Variants in EEPD1 observed in about 807,000 individuals in gnomAD.
EEPD1 encodes endonuclease/exonuclease/phosphatase family domain-containing protein 1.
In EEPD1, 17 loss-of-function variants were observed where a neutral mutation model predicts 46.3. The observed-to-expected ratio is 0.37, with a 90% confidence interval of 0.25 to 0.55. The LOEUF (loss-of-function observed/expected upper bound fraction) is 0.55. EEPD1 is among the 20% of genes least tolerant of loss of function. EEPD1 has a pLI of 0.83. For missense variants in EEPD1, 673 were observed against 745.6 expected, an observed-to-expected ratio of 0.90 and a Z score of 1.13; for synonymous variants, 313 against 315.6, an observed-to-expected ratio of 0.99 and a Z score of 0.09.
chr7:36,233,968 G>T (rs1468096550), intron 2 of EEPD1, among the ~76,000 whole-genome samples: 1 of 152,148 alleles, frequency 6.6e-6, no homozygotes, highest in African/African-American at 2.4e-5. Context: ...ACCCAGGCTG[G>T]AGTGCCTGGT....
Position 36,270,995 on chromosome 7 carries a change from A to T in EEPD1, c.931-10120A>T, listed in dbSNP as rs527949276. On this transcript the variant is annotated intron_variant, in intron 3 of 7. Coordinates refer to ENST00000242108, the MANE Select transcript of EEPD1 (RefSeq NM_030636.3). ...TTCCTTTTTATTTATTATTATTATT[A>T]TTTTTTTTTGAGTTGGAGTCTTGCT... Among the ~76,000 whole-genome samples the T allele has an allele frequency of 4.2e-3, 628 of 150,474 alleles. 3 individuals are homozygous for T. Among genetic ancestry groups the T allele is most frequent in the Admixed American group, 0.015 (230 of 15,104 alleles).
In EEPD1 at chr7:36,276,370, G is replaced by T. The variant is rs953367230; in HGVS notation, c.931-4745G>T. Among the ~76,000 whole-genome samples, 15 of 152,136 alleles carry T rather than the reference G, an allele frequency of 9.9e-5. No homozygotes were observed. The East Asian group carries it at 1.2e-3, about 12-fold the overall frequency. ...TTACCCAATTTGGTCTGATGCTGGA[G>T]AAACAAATCGAGCTCATTGGTAGCT... On this transcript the variant is annotated intron_variant, in intron 3 of 7. Coordinates refer to ENST00000242108, the MANE Select transcript of EEPD1 (RefSeq NM_030636.3).
intron 3 of EEPD1, among the ~76,000 whole-genome samples, chr7:36,243,582 G>A (rs937596950): frequency 3.3e-5 from 5 of 152,116 alleles, no homozygotes; most frequent in Admixed American, 6.6e-5. Flanking sequence ...AGAACTGGTC[G>A]CTTCTAGCCA....
At chr7:36,181,025 C>T (rs1350752361) in intron 2 of EEPD1, among the ~76,000 whole-genome samples, 1 of 152,162 alleles carries the variant, frequency 6.6e-6, no homozygotes, top group Non-Finnish European at 1.5e-5. Flanking sequence ...AAGGATTCCC[C>T]AGGGTGCTTT....
At chr7:36,170,851 C>A (rs531204106) in intron 2 of EEPD1, among the ~76,000 whole-genome samples, 1 of 152,272 alleles carries the variant, frequency 6.6e-6, no homozygotes, top group African/African-American at 2.4e-5. Context: ...TCATTTCTGT[C>A]TCCTTCCATC....
chr7:36,260,846 G>A (rs1273150156), intron 3 of EEPD1, among the ~76,000 whole-genome samples: 1 of 152,188 alleles, frequency 6.6e-6, no homozygotes, highest in African/African-American at 2.4e-5. Context: ...AAACGAAAAT[G>A]TTGCATCTCT....
intron 2 of EEPD1, among the ~76,000 whole-genome samples, chr7:36,216,782 T>C (rs973145874): frequency 2.6e-5 from 4 of 152,248 alleles, no homozygotes; most frequent in African/African-American, 9.6e-5. Flanking sequence ...ATAATGACAG[T>C]AATTTACAAC....
intron 3 of EEPD1, among the ~76,000 whole-genome samples, chr7:36,262,817 A>T (rs899397441): frequency 1.3e-5 from 2 of 152,164 alleles, no homozygotes; most frequent in East Asian, 3.9e-4. Context: ...GAAGCTGCTG[A>T]TCACCAGCTT....
At chr7:36,242,228 G>C (rs1268729974) in intron 3 of EEPD1, among the ~76,000 whole-genome samples, 16 of 152,200 alleles carry the variant, frequency 1.1e-4, no homozygotes, top group Non-Finnish European at 1.9e-4. Context: ...CTGCAACACT[G>C]TGCCTGGTAC....
intron 3 of EEPD1, among the ~76,000 whole-genome samples, chr7:36,242,758 A>C (rs1457491104): frequency 7.1e-6 from 1 of 139,904 alleles, no homozygotes. Context: ...CTGTGTCTCT[A>C]ATAAAAATAC....
At chr7:36,257,302 G>T (rs1786842140) in intron 3 of EEPD1, among the ~76,000 whole-genome samples, 1 of 149,110 alleles carries the variant, frequency 6.7e-6, no homozygotes, top group Non-Finnish European at 1.5e-5. Flanking sequence ...ATGTGTCTCG[G>T]GGTCGCTCTT....
intron 2 of EEPD1, among the ~76,000 whole-genome samples, chr7:36,188,180 T>C (rs572072497): frequency 6.6e-6 from 1 of 152,282 alleles, no homozygotes; most frequent in Admixed American, 6.6e-5. Flanking sequence ...CAATGGTTGG[T>C]CTATGAGTCT....
At chr7:36,161,892 T>A in intron 2 of EEPD1, among the ~76,000 whole-genome samples, 1 of 100,716 alleles carries the variant, frequency 9.9e-6, no homozygotes, top group African/African-American at 4.2e-5. Flanking sequence ...AGACCCTGTC[T>A]CTCTCAAAAA....
chr7:36,157,318 C>T (rs548223463), intron 2 of EEPD1, among the ~76,000 whole-genome samples: 7 of 152,128 alleles, frequency 4.6e-5, no homozygotes, highest in Non-Finnish European at 8.8e-5. Context: ...TCTGACCAAG[C>T]GTTGAGGAGC....
intron 2 of EEPD1, chr7:36,228,920 G>A (rs1425322942): frequency 6.6e-6 from 1 of 152,278 alleles, no homozygotes; most frequent in African/African-American, 2.4e-5. Context: ...AGTAGAGAGT[G>A]GCCATTGCCC....
At chr7:36,164,159 C>T (rs1197091103) in intron 2 of EEPD1, among the ~76,000 whole-genome samples, 2 of 152,316 alleles carry the variant, frequency 1.3e-5, no homozygotes, top group East Asian at 1.9e-4. Context: ...TATGACTTTT[C>T]TGTCTTTTAT....
intron 2 of EEPD1, among the ~76,000 whole-genome samples, chr7:36,199,721 G>A (rs1266640468): frequency 2.0e-5 from 3 of 152,148 alleles, no homozygotes; most frequent in Non-Finnish European, 4.4e-5. Context: ...ACCCCTTGCT[G>A]AGACACTGGG....
intron 2 of EEPD1, among the ~76,000 whole-genome samples, chr7:36,165,555 G>C (rs1784969068): frequency 6.8e-6 from 1 of 147,628 alleles, no homozygotes; most frequent in Admixed American, 6.8e-5. Context: ...GAGTAGCTGG[G>C]ATTACAGGCA....
At chr7:36,260,385 C>A (rs531070873) in intron 3 of EEPD1, among the ~76,000 whole-genome samples, 1 of 152,192 alleles carries the variant, frequency 6.6e-6, no homozygotes, top group Non-Finnish European at 1.5e-5. Flanking sequence ...TCTCTGATCT[C>A]TTTTGTTTCT....
Sources: allele counts gnomAD v4.1 joint callset (sites outside exome capture counted in the v4.1 genomes callset), GRCh38; gene constraint gnomAD v4.1.1; transcripts MANE v1.5; gene names NCBI Gene and HGNC (gene_info 2026-07-23, HGNC 2026-07-21).